KPNA4: variants seen among roughly 807,000 people sequenced by gnomAD.
KPNA4 encodes the protein karyopherin subunit alpha 4, also known as importin subunit alpha-3.
KPNA4 carries 13 observed loss-of-function variants against 71.3 expected under a neutral mutation model. The ratio of observed to expected loss-of-function variants is 0.18; its 90% CI spans 0.12 to 0.29. The LOEUF (loss-of-function observed/expected upper bound fraction) is 0.29. Ranked by LOEUF, KPNA4 falls within the 10% of genes least tolerant of loss-of-function variation. KPNA4 has a pLI of 1.00. For missense variants in KPNA4, 334 were observed against 603.2 expected, an observed-to-expected ratio of 0.55 and a Z score of 4.67; for synonymous variants, 189 against 195.2, an observed-to-expected ratio of 0.97 and a Z score of 0.26.
At chr3:160,516,649 G>C (rs984303881) in intron 11 of KPNA4, among the ~76,000 whole-genome samples, 5 of 152,032 alleles carry the variant, frequency 3.3e-5, no homozygotes, top group Non-Finnish European at 7.4e-5. Flanking sequence ...GCACGAGCCT[G>C]TAGTCCCAGC....
rs1353472643 is a variant in KPNA4, at chr3:160,518,587, C to T, written c.904-3007G>A. Among the ~76,000 whole-genome samples, 8 of 150,422 alleles carry T rather than the reference C, an allele frequency of 5.3e-5. No individual in the cohort carries two copies. The East Asian group carries it at 1.4e-3, about 27-fold the overall frequency. On this transcript the variant is annotated intron_variant, in intron 11 of 16. Transcript: ENST00000334256. ...TATTGAAAATCAACTTGGCCGGGCG[C>T]GGTGGCTCACGCCTGCAATCCCAGC...
At chr3:160,507,221 G>A (rs887236124) in intron 15 of KPNA4, among the ~76,000 whole-genome samples, 7 of 152,158 alleles carry the variant, frequency 4.6e-5, no homozygotes, top group Admixed American at 2.6e-4. Flanking sequence ...ACAGGAGGTC[G>A]GGCGCAGTTG....
At chr3:160,550,403 GCATGCCTGCATGC>G (rs1722017362) in intron 1 of KPNA4, among the ~76,000 whole-genome samples, 1 of 152,144 alleles carries the variant, frequency 6.6e-6, no homozygotes, top group African/African-American at 2.4e-5. Context: ...GACTCCATGT[GCATGCCTGCATGC>G]CTGGATAGTT....
intron 1 of KPNA4, among the ~76,000 whole-genome samples, chr3:160,560,831 C>A (rs1048634003): frequency 6.6e-6 from 1 of 152,056 alleles, no homozygotes; most frequent in African/African-American, 2.4e-5. Flanking sequence ...TCAGATATTT[C>A]ATATTGTCAC....
chr3:160,557,532 T>A (rs751028662), intron 1 of KPNA4, among the ~76,000 whole-genome samples: 2 of 152,170 alleles, frequency 1.3e-5, no homozygotes, highest in Non-Finnish European at 2.9e-5. Flanking sequence ...TTCATGAAAT[T>A]CCATGTTTGT....
intron 1 of KPNA4, among the ~76,000 whole-genome samples, chr3:160,538,431 AAG>A (rs1169605762): frequency 5.3e-5 from 8 of 152,172 alleles, no homozygotes; most frequent in Non-Finnish European, 1.2e-4. Context: ...ACATTGAGTG[AAG>A]GAAACACTGC....
intron 5 of KPNA4, among the ~76,000 whole-genome samples, chr3:160,534,885 G>GGCTAATTT (rs1056562139): frequency 6.6e-6 from 1 of 151,396 alleles, no homozygotes; most frequent in Non-Finnish European, 1.5e-5. Context: ...AACCATGCTG[G>GGCTAATTT]GCTAATTTTT....
intron 1 of KPNA4, among the ~76,000 whole-genome samples, chr3:160,546,003 G>T (rs1011153172): frequency 6.6e-6 from 1 of 152,114 alleles, no homozygotes; most frequent in Non-Finnish European, 1.5e-5. Context: ...CTAAGTTTAA[G>T]GTACTGATAA....
At chr3:160,530,034 C>T (rs58377812) in intron 7 of KPNA4, among the ~76,000 whole-genome samples, 8,514 of 144,986 alleles carry the variant, frequency 0.059, 292 homozygotes, top group Middle Eastern at 0.1. Flanking sequence ...ACTTGGGAGA[C>T]GGAAGCAGGA....
chr3:160,520,198 T>C (rs1050773867), intron 11 of KPNA4, among the ~76,000 whole-genome samples: 2 of 151,722 alleles, frequency 1.3e-5, no homozygotes, highest in Admixed American at 6.6e-5. Flanking sequence ...GATAAACATA[T>C]GGCAAGAATA....
chr3:160,539,374 T>G (rs965123095), intron 1 of KPNA4, among the ~76,000 whole-genome samples: 2 of 152,204 alleles, frequency 1.3e-5, no homozygotes, highest in African/African-American at 4.8e-5. Context: ...ATATAATCAT[T>G]ATAGCCTTAT....
At position 160,498,726 on chromosome 3, in the gene KPNA4, C is replaced by A. The variant is rs535150893; in HGVS notation, c.*3378G>T. 3.9e-5 allele frequency: 6 copies of A among 152,234 alleles called. No homozygotes were observed. The South Asian group carries it at 6.2e-4, about 16-fold the overall frequency. The allele number at this position is 152,234 out of a possible 1,614,324, so 9.4% of individuals were successfully genotyped here. A position where few individuals can be genotyped will look rare whatever the true frequency, so the allele number is the denominator to read the frequency against. On this transcript the variant is annotated 3_prime_UTR_variant, in exon 17 of 17. Transcript: ENST00000334256. Reference sequence around the variant, plus strand: ...TTTGCCATATGTGCATAAAAGAGGACCCCCTAGCTTCAGATAAGACTGCAG... The same window carrying A: ...TTTGCCATATGTGCATAAAAGAGGAACCCCTAGCTTCAGATAAGACTGCAG...
chr3:160,535,769 T>C (rs947681098), intron 3 of KPNA4, 39 bp downstream of exon 3: 2 of 1,559,980 alleles, frequency 1.3e-6, no homozygotes, highest in Non-Finnish European at 1.7e-6. Context: ...CTTTCACTCG[T>C]ACTTTTAAGT....
intron 11 of KPNA4, among the ~76,000 whole-genome samples, chr3:160,518,087 T>A (rs1044273873): frequency 6.6e-6 from 1 of 152,124 alleles, no homozygotes; most frequent in African/African-American, 2.4e-5. Flanking sequence ...CTAAGAGGTT[T>A]AAATTTATAG....
chr3:160,543,295 A>G (rs905257321), intron 1 of KPNA4, among the ~76,000 whole-genome samples: 7 of 152,082 alleles, frequency 4.6e-5, no homozygotes, highest in Non-Finnish European at 1.0e-4. Flanking sequence ...CTTCACTTGT[A>G]AAGAGAATTC....
At position 160,535,605 on chromosome 3, in the gene KPNA4, G is replaced by A. The variant is rs199530042; in HGVS notation, c.235-40C>T. 4.0e-5 allele frequency: 63 copies of A among 1,585,508 alleles called. No individual in the cohort carries two copies. In the East Asian group the frequency reaches 1.1e-3, roughly 27 times the overall value. The stretch of plus-strand genomic sequence containing the variant: ...ATAATTTATGATGTAAATATATCAC[G>A]ATTAGCTGTTGAGGACAAGAAATGC... On this transcript the variant is annotated intron_variant, in intron 4 of 16. Transcript: ENST00000334256.
intron 5 of KPNA4, among the ~76,000 whole-genome samples, chr3:160,533,530 T>A (rs1257885774): frequency 2.0e-5 from 3 of 152,070 alleles, no homozygotes; most frequent in Non-Finnish European, 4.4e-5. Flanking sequence ...GGTCAAAATT[T>A]AATTTAAAAA....
rs1722329208 is a variant in KPNA4, at chr3:160,565,396, C to T, written c.-114G>A. The T allele has an allele frequency of 4.9e-6, 4 of 822,152 alleles. No homozygotes were observed. The highest frequency in any genetic ancestry group is 7.7e-6 in the Non-Finnish European group (4 of 516,426). 50.9% of individuals were successfully genotyped at this position (822,152 alleles called of 1,614,324 possible). A position where few individuals can be genotyped will look rare whatever the true frequency, so the allele number is the denominator to read the frequency against. On this transcript the variant is annotated 5_prime_UTR_variant, in exon 1 of 17. Transcript: ENST00000334256. Reference sequence around the variant, plus strand: ...GCCGCCTGAGCTGCTGTGCCCGCCGCGCCGCCGCTTCCTTCCTCCTCTCAC... The same window carrying T: ...GCCGCCTGAGCTGCTGTGCCCGCCGTGCCGCCGCTTCCTTCCTCCTCTCAC...
rs955622538 is a variant in KPNA4, at chr3:160,531,340, T to G, written c.383+122A>C. The stretch of plus-strand genomic sequence containing the variant: ...ACCTTGCACTGCTTTTCACTTTGAC[T>G]TTTCAACTCCATCCCATAGCCCTTT... On this transcript the variant is annotated intron_variant, in intron 6 of 16. Coordinates refer to ENST00000334256, the MANE Select transcript of KPNA4 (RefSeq NM_002268.5). The G allele has an allele frequency of 1.4e-5, 7 of 517,176 alleles. No homozygotes were observed. In the African/African-American group the frequency reaches 1.4e-4, roughly 10 times the overall value. 32.0% of individuals were successfully genotyped at this position (517,176 alleles called of 1,614,324 possible).
Sources: allele counts gnomAD v4.1 joint callset (sites outside exome capture counted in the v4.1 genomes callset), GRCh38; gene constraint gnomAD v4.1.1; transcripts MANE v1.5; gene names NCBI Gene and HGNC (gene_info 2026-07-23, HGNC 2026-07-21).